The following BICC1 variants were observed in gnomAD, a reference collection of about 807,000 sequenced individuals.
BICC1 encodes protein bicaudal C homolog 1.
A neutral mutation model predicts 111.0 loss-of-function variants in BICC1; 43 were observed. That is an observed-to-expected ratio of 0.39 (90% CI 0.30 to 0.50). The LOEUF (loss-of-function observed/expected upper bound fraction) is 0.50. BICC1 is among the 20% of genes least tolerant of loss of function. The pLI is 0.88. For missense variants in BICC1, 1,091 were observed against 1,203.2 expected, an observed-to-expected ratio of 0.91 and a Z score of 1.38; for synonymous variants, 467 against 434.4, an observed-to-expected ratio of 1.07 and a Z score of -0.93.
In BICC1 at chr10:58,779,442, A is replaced by G. The variant is rs547620695; in HGVS notation, c.308-5559A>G. Among the ~76,000 whole-genome samples, 35 of 152,376 alleles carry G rather than the reference A, an allele frequency of 2.3e-4. 1 individual carries two copies. In the South Asian group the frequency reaches 6.8e-3, roughly 30 times the overall value. ...GAAAGCCAGTTGTAGATATGTCACC[A>G]GATTTAGGCTAGTTTAAGCTTCTTG... On this transcript the variant is annotated intron_variant, in intron 3 of 20. Coordinates refer to ENST00000373886, the MANE Select transcript of BICC1 (RefSeq NM_001080512.3).
chr10:58,645,286 G>A (rs1323619508), intron 2 of BICC1, among the ~76,000 whole-genome samples: 3 of 151,976 alleles, frequency 2.0e-5, no homozygotes, highest in African/African-American at 7.3e-5. Context: ...GTGGGCGCCT[G>A]TAGTCCCAGC....
chr10:58,625,987 TTC>T, intron 2 of BICC1, among the ~76,000 whole-genome samples: 1 of 152,376 alleles, frequency 6.6e-6, no homozygotes, highest in African/African-American at 2.4e-5. Flanking sequence ...AATGTGCTTT[TTC>T]TAATACTGAG....
Position 58,716,082 on chromosome 10 carries a change from C to A in BICC1, c.307+13939C>A, listed in dbSNP as rs1024057697. ...AGAAAGAAAAGGATATTAAAGGACT[C>A]AGCAAAAAGAGAAAGATGTATTCTG... On this transcript the variant is annotated intron_variant, in intron 3 of 20. Transcript: ENST00000373886. 94 of 1,485,610 alleles carry A rather than the reference C, an allele frequency of 6.3e-5. No homozygotes were observed. The African/African-American group carries it at 1.0e-3, about 16-fold the overall frequency. The allele number at this position is 1,485,610 out of a possible 1,614,324, so 92.0% of individuals were successfully genotyped here. A position where few individuals can be genotyped will look rare whatever the true frequency, so the allele number is the denominator to read the frequency against.
intron 1 of BICC1, among the ~76,000 whole-genome samples, chr10:58,616,909 A>C (rs1845626268): frequency 6.6e-6 from 1 of 152,148 alleles, no homozygotes; most frequent in African/African-American, 2.4e-5. Flanking sequence ...TAGAAGTGAC[A>C]ATGCTCCCCT....
intron 18 of BICC1, among the ~76,000 whole-genome samples, chr10:58,816,745 C>CTGTGTGTGTGTGTGTGTG (rs56310772): frequency 8.2e-6 from 1 of 122,068 alleles, no homozygotes; most frequent in African/African-American, 3.2e-5. Context: ...ATCTCCAAGG[C>CTGTGTGTGTGTGTGTGTG]TGTGTGTGTG....
intron 2 of BICC1, among the ~76,000 whole-genome samples, chr10:58,701,062 G>A (rs997371763): frequency 6.6e-6 from 1 of 152,066 alleles, no homozygotes; most frequent in Admixed American, 6.5e-5. Context: ...CCTTGTGCCC[G>A]GTACGTAGCC....
chr10:58,728,121 G>A (rs186392454), intron 3 of BICC1, among the ~76,000 whole-genome samples: 105 of 152,290 alleles, frequency 6.9e-4, no homozygotes, highest in Non-Finnish European at 6.6e-4. Flanking sequence ...TCTTACGAAA[G>A]TCAACAATGA....
intron 8 of BICC1, 128 bp from the exon 9 acceptor site, chr10:58,793,355 TC>T: frequency 1.1e-6 from 1 of 891,510 alleles, no homozygotes; most frequent in Non-Finnish European, 1.7e-6. Context: ...CTTATATAAT[TC>T]AGCTTTAATA....
intron 3 of BICC1, among the ~76,000 whole-genome samples, chr10:58,747,656 T>A (rs1841872808): frequency 6.6e-6 from 1 of 152,160 alleles, no homozygotes; most frequent in South Asian, 2.1e-4. Flanking sequence ...AAATATACAT[T>A]ATGGAGTATA....
At chr10:58,789,025 A>G (rs1029735821) in intron 6 of BICC1, among the ~76,000 whole-genome samples, 3 of 152,088 alleles carry the variant, frequency 2.0e-5, no homozygotes, top group Non-Finnish European at 4.4e-5. Flanking sequence ...CAGGAGGTGG[A>G]GGCTGTAGTG....
At chr10:58,713,923 G>A (rs1430059394) in intron 3 of BICC1, among the ~76,000 whole-genome samples, 1 of 152,082 alleles carries the variant, frequency 6.6e-6, no homozygotes, top group Non-Finnish European at 1.5e-5. Flanking sequence ...ACTTTCTTCT[G>A]GAATGGTGGT....
intron 5 of BICC1, among the ~76,000 whole-genome samples, chr10:58,788,023 A>G (rs1404226685): frequency 6.6e-6 from 1 of 152,120 alleles, no homozygotes; most frequent in African/African-American, 2.4e-5. Context: ...GAATATTGAT[A>G]AGTATCTGGT....
intron 3 of BICC1, among the ~76,000 whole-genome samples, chr10:58,718,285 T>C (rs1467985194): frequency 1.3e-5 from 2 of 152,268 alleles, no homozygotes; most frequent in Admixed American, 1.3e-4. Flanking sequence ...TGTCTTCACA[T>C]GGTAGAAGGG....
chr10:58,558,267 C>A (rs1843509096), intron 1 of BICC1, among the ~76,000 whole-genome samples: 1 of 152,078 alleles, frequency 6.6e-6, no homozygotes, highest in Non-Finnish European at 1.5e-5. Context: ...AAGGAGTAAG[C>A]CTGAACATCT....
chr10:58,742,377 A>C (rs1841695466), intron 3 of BICC1, among the ~76,000 whole-genome samples: 1 of 150,982 alleles, frequency 6.6e-6, no homozygotes, highest in Admixed American at 6.6e-5. Context: ...ATTATATCTC[A>C]GTGGTATTCT....
intron 1 of BICC1, among the ~76,000 whole-genome samples, chr10:58,570,001 C>T (rs778596880): frequency 2.0e-5 from 3 of 152,146 alleles, no homozygotes; most frequent in Non-Finnish European, 4.4e-5. Flanking sequence ...AATTTACACT[C>T]CCAACAACAG....
intron 1 of BICC1, among the ~76,000 whole-genome samples, chr10:58,550,310 C>T (rs1266211279): frequency 6.6e-6 from 1 of 152,180 alleles, no homozygotes. Context: ...GCATGAGTCT[C>T]CCTGCCCCGC....
At chr10:58,663,552 A>G (rs889039160) in intron 2 of BICC1, among the ~76,000 whole-genome samples, 5 of 152,170 alleles carry the variant, frequency 3.3e-5, no homozygotes, top group Admixed American at 3.3e-4. Flanking sequence ...GCGGTAGCCA[A>G]GTGAGCATTA....
chr10:58,741,100 A>G (rs1348928557), intron 3 of BICC1, among the ~76,000 whole-genome samples: 1 of 152,194 alleles, frequency 6.6e-6, no homozygotes, highest in Non-Finnish European at 1.5e-5. Context: ...TGTTCTTTAC[A>G]TAGAAGGCAG....
Sources: gnomAD v4.1 joint callset for allele counts (sites outside exome capture counted in the v4.1 genomes callset) on GRCh38, gnomAD v4.1.1 for gene constraint, MANE v1.5 for transcripts, NCBI Gene and HGNC (gene_info 2026-07-23, HGNC 2026-07-21) for gene names.